The following CLASP1 variants were observed in gnomAD, a reference collection of about 807,000 sequenced individuals.
CLASP1 encodes CLIP-associating protein 1.
A neutral mutation model predicts 192.3 loss-of-function variants in CLASP1; 38 were observed. The observed-to-expected ratio is 0.20, with a 90% CI of 0.15 to 0.26. CLASP1 has a LOEUF of 0.26. CLASP1 is among the 10% of genes least tolerant of loss of function. The pLI, the probability that CLASP1 is intolerant of heterozygous loss-of-function variation, is 1.00. For missense variants in CLASP1, 1,433 were observed against 1,932.5 expected (o/e 0.74, Z 4.85); for synonymous variants, 691 against 712.8 (o/e 0.97, Z 0.49).
chr2:121,615,329 G>C (rs1460538007), intron 1 of CLASP1, among the ~76,000 whole-genome samples: 3 of 151,086 alleles, frequency 2.0e-5, no homozygotes, highest in Non-Finnish European at 4.4e-5. Flanking sequence ...TCAGGAATGA[G>C]ACTCCATCTC....
At chr2:121,570,274 A>G (rs1288016531) in intron 2 of CLASP1, among the ~76,000 whole-genome samples, 1 of 152,184 alleles carries the variant, frequency 6.6e-6, no homozygotes, top group Non-Finnish European at 1.5e-5. Context: ...ATTGCTGGAG[A>G]CTATCACTAG....
At chr2:121,342,398 G>A (rs1220584916) in intron 39 of CLASP1, among the ~76,000 whole-genome samples, 2 of 152,166 alleles carry the variant, frequency 1.3e-5, no homozygotes, top group Non-Finnish European at 1.5e-5. Flanking sequence ...GATTACTAGC[G>A]TGAGCCACCG....
intron 1 of CLASP1, among the ~76,000 whole-genome samples, chr2:121,614,260 C>T (rs1438519734): frequency 6.6e-6 from 1 of 152,184 alleles, no homozygotes; most frequent in Non-Finnish European, 1.5e-5. Flanking sequence ...CTTTGGGAGG[C>T]CAAGGCAGGT....
intron 2 of CLASP1, among the ~76,000 whole-genome samples, chr2:121,553,090 A>G (rs2058193156): frequency 1.3e-5 from 2 of 152,252 alleles, no homozygotes; most frequent in Admixed American, 6.5e-5. Flanking sequence ...TAATGCAGAA[A>G]CAGAAAACCA....
At chr2:121,465,972 A>G (rs1462337182) in intron 9 of CLASP1, among the ~76,000 whole-genome samples, 1 of 152,236 alleles carries the variant, frequency 6.6e-6, no homozygotes, top group Non-Finnish European at 1.5e-5. Context: ...AGCCATATGT[A>G]GAAAGCTGAA....
At chr2:121,532,899 C>G (rs1034794510) in intron 2 of CLASP1, among the ~76,000 whole-genome samples, 1 of 152,136 alleles carries the variant, frequency 6.6e-6, no homozygotes, top group Non-Finnish European at 1.5e-5. Context: ...AAAAGAACAG[C>G]CCATCACTTA....
exon 40 of CLASP1, chr2:121,339,430 G>GA (rs747062521): frequency 6.6e-6 from 1 of 152,180 alleles, no homozygotes; most frequent in Non-Finnish European, 1.5e-5. Context: ...TTTCCTTATG[G>GA]AAAAATCAGT....
At chr2:121,589,649 C>T (rs953143706) in intron 2 of CLASP1, among the ~76,000 whole-genome samples, 1 of 142,312 alleles carries the variant, frequency 7.0e-6, no homozygotes, top group Non-Finnish European at 1.5e-5. Context: ...AAAAAAAAAA[C>T]ACACTATTAT....
chr2:121,618,432 C>T (rs1427412078), intron 1 of CLASP1, among the ~76,000 whole-genome samples: 1 of 152,098 alleles, frequency 6.6e-6, no homozygotes, highest in African/African-American at 2.4e-5. Flanking sequence ...GCGGCCTGTT[C>T]AGAGGAAACA....
chr2:121,633,977 G>A (rs1356045831), intron 1 of CLASP1, among the ~76,000 whole-genome samples: 2 of 149,100 alleles, frequency 1.3e-5, no homozygotes, highest in Non-Finnish European at 1.5e-5. Flanking sequence ...CAGCCTGGGC[G>A]ACAGAGCGAG....
chr2:121,452,395 C>T (rs2085669055), intron 14 of CLASP1, among the ~76,000 whole-genome samples: 1 of 152,076 alleles, frequency 6.6e-6, no homozygotes. Flanking sequence ...GTTTCAGCAT[C>T]CTTCTATTTA....
chr2:121,508,842 T>C (rs2094024711), intron 7 of CLASP1, among the ~76,000 whole-genome samples: 1 of 152,198 alleles, frequency 6.6e-6, no homozygotes, highest in Non-Finnish European at 1.5e-5. Flanking sequence ...AGAATGGTTA[T>C]AGTGATAACA....
chr2:121,520,170 G>A (rs2150381074), intron 6 of CLASP1, among the ~76,000 whole-genome samples: 1 of 152,302 alleles, frequency 6.6e-6, no homozygotes, highest in East Asian at 1.9e-4. Flanking sequence ...CCACAGATCA[G>A]GAATGGCAGG....
rs1559368721 is a variant in CLASP1, at chr2:121,478,875, AC to A, written c.713-8916del. On this transcript the variant is annotated intron_variant, in intron 8 of 39. Transcript: ENST00000263710. ...ACACACCACACCACACACACACCAC[AC>A]CACACACACACCACACACACACACC... Among the ~76,000 whole-genome samples the A allele has an allele frequency of 5.8e-3, 358 of 61,426 alleles. 6 individuals are homozygous for A. Among genetic ancestry groups the A allele is most frequent in the African/African-American group, 0.017 (253 of 14,956 alleles). The allele number at this position is 61,426 out of a possible 152,430, so 40.3% of individuals were successfully genotyped here.
intron 24 of CLASP1, among the ~76,000 whole-genome samples, chr2:121,409,616 AAATTTCCCTGCC>A (rs2077405473): frequency 2.0e-5 from 3 of 152,342 alleles, no homozygotes; most frequent in Admixed American, 6.5e-5. Context: ...AAGAACTAAG[AAATTTCCCTGCC>A]TTAAGTGGAA....
chr2:121,506,056 T>G (rs1382360473), intron 7 of CLASP1, among the ~76,000 whole-genome samples: 1 of 152,194 alleles, frequency 6.6e-6, no homozygotes, highest in Non-Finnish European at 1.5e-5. Context: ...ATGTCATTAG[T>G]GCTTCCAAAG....
chr2:121,351,871 T>C (rs2064508227), intron 37 of CLASP1, among the ~76,000 whole-genome samples: 1 of 152,230 alleles, frequency 6.6e-6, no homozygotes, highest in African/African-American at 2.4e-5. Flanking sequence ...AAAAGTCATG[T>C]CCAACTCTCA....
At chr2:121,366,843 C>A (rs2067502384) in intron 35 of CLASP1, among the ~76,000 whole-genome samples, 1 of 152,164 alleles carries the variant, frequency 6.6e-6, no homozygotes, top group South Asian at 2.1e-4. Flanking sequence ...CCGAAAAAAA[C>A]ACCATTGTAC....
intron 33 of CLASP1, among the ~76,000 whole-genome samples, chr2:121,381,317 A>T (rs948991529): frequency 1.5e-4 from 23 of 149,438 alleles, no homozygotes; most frequent in Non-Finnish European, 3.3e-4. Context: ...TTTTTTTTTT[A>T]ACCCTTTTCC....
Sources: gnomAD v4.1 joint callset for allele counts (sites outside exome capture counted in the v4.1 genomes callset) on GRCh38, gnomAD v4.1.1 for gene constraint, MANE v1.5 for transcripts, NCBI Gene and HGNC (gene_info 2026-07-23, HGNC 2026-07-21) for gene names.